Variants in ESRRG observed in about 807,000 individuals in gnomAD.
ESRRG encodes estrogen-related receptor gamma.
Under a neutral mutation model 44.0 loss-of-function variants are expected in ESRRG, and 13 were observed. The observed-to-expected ratio is 0.30, with a 90% CI of 0.19 to 0.47. The LOEUF (loss-of-function observed/expected upper bound fraction) is 0.47, where lower values mean the gene tolerates loss of function less well. Among genes scored for constraint, ESRRG ranks in the 20% least tolerant of loss-of-function variants. ESRRG has a pLI of 1.00. For synonymous variants in ESRRG, 215 were observed against 214.6 expected (o/e 1.00, Z -0.02); for missense variants, 395 against 580.6 (o/e 0.68, Z 3.29).
At chr1:216,609,748 A>C (rs2060382599) in intron 3 of ESRRG, among the ~76,000 whole-genome samples, 1 of 152,218 alleles carries the variant, frequency 6.6e-6, no homozygotes, top group Non-Finnish European at 1.5e-5. Flanking sequence ...ATAAGCATAA[A>C]AATAGCAAAA....
chr1:217,133,356 A>AGCGCCCC (rs1281864045), intron 1 of ESRRG, among the ~76,000 whole-genome samples: 1 of 152,272 alleles, frequency 6.6e-6, no homozygotes, highest in Non-Finnish European at 1.5e-5. Context: ...CCTGGCGCCT[A>AGCGCCCC]GCGCCCCATC....
At chr1:216,750,843 T>A (rs184883161) in intron 2 of ESRRG, among the ~76,000 whole-genome samples, 6 of 152,288 alleles carry the variant, frequency 3.9e-5, no homozygotes, top group African/African-American at 1.4e-4. Flanking sequence ...ATTTCCCTGA[T>A]GTGCTTTCAG....
intron 3 of ESRRG, among the ~76,000 whole-genome samples, chr1:216,626,374 C>A (rs1353331473): frequency 1.3e-5 from 2 of 152,132 alleles, no homozygotes; most frequent in Non-Finnish European, 2.9e-5. Context: ...AAGCATTTTT[C>A]CCATGACTTC....
At chr1:216,841,585 T>C (rs1436268397) in intron 2 of ESRRG, among the ~76,000 whole-genome samples, 1 of 152,162 alleles carries the variant, frequency 6.6e-6, no homozygotes, top group Middle Eastern at 3.2e-3. Flanking sequence ...TTAAGAATAA[T>C]GCCTCCTCAG....
intron 1 of ESRRG, among the ~76,000 whole-genome samples, chr1:217,062,603 C>T (rs1213866416): frequency 6.6e-6 from 1 of 152,096 alleles, no homozygotes; most frequent in South Asian, 2.1e-4. Flanking sequence ...TAACATCTGG[C>T]AGAGAAAAAT....
chr1:216,631,420 A>G (rs1386446534), intron 3 of ESRRG, among the ~76,000 whole-genome samples: 1 of 152,224 alleles, frequency 6.6e-6, no homozygotes, highest in Non-Finnish European at 1.5e-5. Context: ...TTTACATCAT[A>G]TTTCAATGGA....
rs561494285 is a variant in ESRRG, at chr1:217,077,662, A to C, written c.-106+11845T>G. On this transcript the variant is annotated intron_variant, in intron 1 of 7. Transcript: ENST00000359162. Reference sequence around the variant, plus strand: ...AAACAGACAGCACTGGGTAGGATTCAATTAAGACAAAACCTCAGTGGAATG... The same window carrying C: ...AAACAGACAGCACTGGGTAGGATTCCATTAAGACAAAACCTCAGTGGAATG... Among the ~76,000 whole-genome samples, 3 of 152,344 alleles carry C rather than the reference A, an allele frequency of 2.0e-5. No homozygotes were observed. The East Asian group carries it at 5.8e-4, about 29-fold the overall frequency.
intron 2 of ESRRG, among the ~76,000 whole-genome samples, chr1:216,774,148 C>T (rs2093497149): frequency 6.6e-6 from 1 of 152,136 alleles, no homozygotes; most frequent in South Asian, 2.1e-4. Flanking sequence ...ATCAAGACCA[C>T]TGCACTAGCC....
intron 2 of ESRRG, among the ~76,000 whole-genome samples, chr1:216,675,346 G>A (rs2075907754): frequency 6.6e-6 from 1 of 151,498 alleles, no homozygotes; most frequent in Non-Finnish European, 1.5e-5. Context: ...GGCCACAAGA[G>A]TAAAAATCTG....
At chr1:216,519,573 C>A (rs1052696505) in intron 5 of ESRRG, 152 bp from the exon 6 acceptor site, 3 of 700,500 alleles carry the variant, frequency 4.3e-6, no homozygotes, top group South Asian at 2.1e-5. Flanking sequence ...GATCACTTTG[C>A]GAACAGCAAA....
intron 3 of ESRRG, among the ~76,000 whole-genome samples, chr1:216,590,213 A>G (rs1303277704): frequency 2.0e-5 from 3 of 152,092 alleles, no homozygotes; most frequent in Non-Finnish European, 4.4e-5. Flanking sequence ...AATGCATCAT[A>G]TTATAATTAA....
intron 1 of ESRRG, among the ~76,000 whole-genome samples, chr1:217,002,983 GC>G (rs968476685): frequency 6.6e-6 from 1 of 152,150 alleles, no homozygotes; most frequent in African/African-American, 2.4e-5. Context: ...AGCCATGAAA[GC>G]TTTTGTTACT....
chr1:216,708,448 T>A (rs2082876309), intron 1 of ESRRG, among the ~76,000 whole-genome samples: 1 of 152,192 alleles, frequency 6.6e-6, no homozygotes. Context: ...GACACATTTT[T>A]GGAGTGTTAG....
intron 1 of ESRRG, among the ~76,000 whole-genome samples, chr1:216,941,261 G>C (rs1472629769): frequency 6.6e-6 from 1 of 152,128 alleles, no homozygotes; most frequent in Non-Finnish European, 1.5e-5. Flanking sequence ...TTAGGTTGTT[G>C]CTTTTTTAAA....
intron 2 of ESRRG, among the ~76,000 whole-genome samples, chr1:216,818,058 A>G (rs2095194824): frequency 7.2e-5 from 11 of 152,230 alleles, no homozygotes; most frequent in Admixed American, 7.2e-4. Context: ...TGCTGCACCA[A>G]CAATGACAGG....
intron 2 of ESRRG, among the ~76,000 whole-genome samples, chr1:216,757,250 T>G (rs1391252242): frequency 6.6e-6 from 1 of 152,038 alleles, no homozygotes; most frequent in Non-Finnish European, 1.5e-5. Context: ...TAGTCCTGCT[T>G]GAGTGACATC....
At chr1:216,763,629 A>G (rs539842528) in intron 2 of ESRRG, among the ~76,000 whole-genome samples, 12 of 152,272 alleles carry the variant, frequency 7.9e-5, no homozygotes, top group African/African-American at 2.9e-4. Flanking sequence ...GTTAAGTTCA[A>G]TTCTATTTTT....
chr1:216,869,289 T>C (rs2096224747), intron 2 of ESRRG, among the ~76,000 whole-genome samples: 1 of 152,160 alleles, frequency 6.6e-6, no homozygotes, highest in Admixed American at 6.5e-5. Context: ...TTCCCCCTGT[T>C]GATGTTCAGT....
chr1:216,624,314 C>A (rs1364724238), intron 3 of ESRRG, among the ~76,000 whole-genome samples: 4 of 152,164 alleles, frequency 2.6e-5, no homozygotes, highest in African/African-American at 4.8e-5. Flanking sequence ...AGATACTTAA[C>A]GGTGTCTAAT....
Sources: gnomAD v4.1 joint callset for allele counts (sites outside exome capture counted in the v4.1 genomes callset) on GRCh38, gnomAD v4.1.1 for gene constraint, MANE v1.5 for transcripts, NCBI Gene and HGNC (gene_info 2026-07-23, HGNC 2026-07-21) for gene names.